The following CSMD1 variants were observed in gnomAD, a reference collection of about 807,000 sequenced individuals.
CSMD1 encodes CUB and sushi domain-containing protein 1.
In CSMD1, 213 loss-of-function variants were observed where a neutral mutation model predicts 417.5. The ratio of observed to expected loss-of-function variants is 0.51; its 90% confidence interval spans 0.46 to 0.57. The LOEUF is 0.57. Ranked by LOEUF, CSMD1 falls within the 20% of genes least tolerant of loss-of-function variation. CSMD1 has a pLI of 0.00. For missense variants in CSMD1, 6,923 were observed against 4,529.7 expected, an observed-to-expected ratio of 1.53 and a Z score of -15.17; for synonymous variants, 2,862 against 1,736.8, an observed-to-expected ratio of 1.65 and a Z score of -16.11.
At position 2,973,205 on chromosome 8, in the gene CSMD1, G is replaced by A. The variant is rs1804612539; in HGVS notation, c.8835C>T (p.Ser2945=). 6.2e-7 allele frequency: 1 copy of A among 1,613,894 alleles called. No individual in the cohort carries two copies. The highest frequency in any genetic ancestry group is 2.2e-5 in the East Asian group (1 of 44,864). ...CCCTCAGCTGGTGCCCCATTTCACA[G>A]GAGAAGCGGAGAAGACTCTTTGTCT... ...DFKTKSLLRF[S]CEMGHQLRGS... is the part of the protein sequence containing the mutation. Residue 2945 remains serine (S), a synonymous_variant, in exon 57 of 70, where the codon TCC becomes TCT. Coordinates refer to ENST00000635120, the MANE Select transcript of CSMD1 (RefSeq NM_033225.6).
At chr8:3,641,598 T>G (rs542351151) in intron 7 of CSMD1, among the ~76,000 whole-genome samples, 22 of 152,326 alleles carry the variant, frequency 1.4e-4, no homozygotes, top group Admixed American at 1.4e-3. Flanking sequence ...GCTTCTTATG[T>G]CTCAAGAGGT....
chr8:3,551,356 G>C (rs1289711895), intron 10 of CSMD1, among the ~76,000 whole-genome samples: 1 of 152,046 alleles, frequency 6.6e-6, no homozygotes, highest in Non-Finnish European at 1.5e-5. Context: ...TAGAGTTTGT[G>C]AGTCATTGGT....
intron 3 of CSMD1, among the ~76,000 whole-genome samples, chr8:4,065,877 C>T (rs976602506): frequency 6.6e-6 from 1 of 152,114 alleles, no homozygotes; most frequent in Non-Finnish European, 1.5e-5. Flanking sequence ...TCACTGTCTT[C>T]CATAAGAAAG....
intron 10 of CSMD1, among the ~76,000 whole-genome samples, chr8:3,560,476 T>G (rs543870071): frequency 6.6e-4 from 101 of 152,288 alleles, no homozygotes; most frequent in African/African-American, 2.2e-3. Flanking sequence ...AGACTGATTC[T>G]TCTCATGCTG....
chr8:3,715,489 G>A (rs1801779228), intron 6 of CSMD1, among the ~76,000 whole-genome samples: 1 of 152,042 alleles, frequency 6.6e-6, no homozygotes, highest in East Asian at 1.9e-4. Flanking sequence ...TTATAAAAAT[G>A]TGTTGTTCCA....
intron 7 of CSMD1, among the ~76,000 whole-genome samples, chr8:3,707,200 G>A (rs1019838595): frequency 6.6e-6 from 1 of 152,158 alleles, no homozygotes; most frequent in Admixed American, 6.6e-5. Flanking sequence ...TCAATCTATA[G>A]TATCGTTGTC....
chr8:4,369,826 T>C (rs988339178), intron 3 of CSMD1, among the ~76,000 whole-genome samples: 9 of 152,310 alleles, frequency 5.9e-5, no homozygotes, highest in Admixed American at 2.6e-4. Context: ...CTATGGGTGT[T>C]GTTACTTGTA....
At chr8:3,732,696 A>G (rs1420245382) in intron 6 of CSMD1, among the ~76,000 whole-genome samples, 1 of 152,186 alleles carries the variant, frequency 6.6e-6, no homozygotes, top group African/African-American at 2.4e-5. Flanking sequence ...AGAAAAAAAG[A>G]AAAGTAAAAA....
intron 5 of CSMD1, among the ~76,000 whole-genome samples, chr8:3,853,766 GC>G (rs1804084464): frequency 6.6e-6 from 1 of 151,516 alleles, no homozygotes; most frequent in African/African-American, 2.4e-5. Flanking sequence ...TATACCTAAT[GC>G]TAAATGACGA....
At chr8:4,747,994 A>G (rs1311129698) in intron 1 of CSMD1, among the ~76,000 whole-genome samples, 2 of 152,208 alleles carry the variant, frequency 1.3e-5, no homozygotes, top group Non-Finnish European at 2.9e-5. Context: ...CTGCTGATGT[A>G]TTAGTTTCAC....
intron 5 of CSMD1, among the ~76,000 whole-genome samples, chr8:3,839,183 A>T (rs577061836): frequency 1.2e-3 from 150 of 126,772 alleles, no homozygotes; most frequent in African/African-American, 3.8e-3. Context: ...ATATTTATAT[A>T]TAATAAATAA....
At chr8:3,926,057 CACACACACACACACACAAACACCAT>C (rs1305864260) in intron 5 of CSMD1, among the ~76,000 whole-genome samples, 65 of 59,840 alleles carry the variant, frequency 1.1e-3, no homozygotes, top group East Asian at 6.9e-3. Context: ...ACCATATACA[CACACACACACACACACAAACACCAT>C]ACACACACAC....
At chr8:4,181,401 G>A (rs1004944847) in intron 3 of CSMD1, among the ~76,000 whole-genome samples, 17 of 151,900 alleles carry the variant, frequency 1.1e-4, no homozygotes, top group African/African-American at 3.9e-4. Context: ...ATAAGGCAGG[G>A]TTCTCCAATC....
chr8:4,943,214 G>T (rs906066814), intron 1 of CSMD1, among the ~76,000 whole-genome samples: 3 of 152,102 alleles, frequency 2.0e-5, no homozygotes, highest in African/African-American at 7.2e-5. Flanking sequence ...TGAAAATCAT[G>T]GCCGGGTGCA....
chr8:4,059,815 A>C (rs549559642), intron 3 of CSMD1, among the ~76,000 whole-genome samples: 1 of 151,066 alleles, frequency 6.6e-6, no homozygotes, highest in African/African-American at 2.4e-5. Context: ...CTTACCAACC[A>C]AAAAGAGTCC....
At chr8:3,973,877 G>A (rs972652827) in intron 5 of CSMD1, among the ~76,000 whole-genome samples, 1 of 152,176 alleles carries the variant, frequency 6.6e-6, no homozygotes, top group African/African-American at 2.4e-5. Context: ...AACTATGGTA[G>A]ATGAATATAT....
chr8:3,208,992 C>G (rs892294911), intron 30 of CSMD1, among the ~76,000 whole-genome samples: 6 of 152,120 alleles, frequency 3.9e-5, no homozygotes, highest in Non-Finnish European at 8.8e-5. Context: ...AGTTCTGTCC[C>G]TCTAGAGAAC....
intron 5 of CSMD1, among the ~76,000 whole-genome samples, chr8:3,830,676 C>G (rs551430002): frequency 3.3e-5 from 5 of 152,166 alleles, no homozygotes; most frequent in South Asian, 2.1e-4. Flanking sequence ...ACTCAGAAAA[C>G]AGAGAGAAAA....
chr8:4,043,730 A>G (rs1392467605), intron 3 of CSMD1, among the ~76,000 whole-genome samples: 6 of 152,328 alleles, frequency 3.9e-5, no homozygotes, highest in African/African-American at 1.4e-4. Context: ...AAGATTTATT[A>G]CTAATAGATA....
Sources: allele counts gnomAD v4.1 joint callset (sites outside exome capture counted in the v4.1 genomes callset), GRCh38; gene constraint gnomAD v4.1.1; transcripts MANE v1.5; gene names NCBI Gene and HGNC (gene_info 2026-07-23, HGNC 2026-07-21).